Variants in SLIT3 observed in about 807,000 individuals in gnomAD.
SLIT3 encodes the protein slit homolog 3 protein.
In SLIT3, 68 loss-of-function variants were observed where a neutral mutation model predicts 184.0. That is an observed-to-expected ratio of 0.37 (90% CI 0.30 to 0.45). The LOEUF (loss-of-function observed/expected upper bound fraction) is 0.45. Among genes scored for constraint, SLIT3 ranks in the 20% least tolerant of loss-of-function variants. SLIT3 has a pLI of 1.00. For synonymous variants in SLIT3, 831 were observed against 828.6 expected (o/e 1.00, Z -0.05); for missense variants, 1,707 against 2,026.0 (o/e 0.84, Z 3.02).
intron 4 of SLIT3, among the ~76,000 whole-genome samples, chr5:169,179,276 CTTTTT>C (rs370270230): frequency 0.067 from 8,359 of 125,036 alleles, 895 homozygotes; most frequent in African/African-American, 0.23. Context: ...ATTCCTTTTT[CTTTTT>C]TTTTTTTTTT....
chr5:169,289,951 A>G (rs972207208), intron 1 of SLIT3, among the ~76,000 whole-genome samples: 18 of 151,948 alleles, frequency 1.2e-4, no homozygotes, highest in African/African-American at 3.9e-4. Flanking sequence ...ACCAGGGCAT[A>G]CGCTAAGGCA....
intron 4 of SLIT3, among the ~76,000 whole-genome samples, chr5:169,128,272 ATT>A (rs1413317249): frequency 6.8e-6 from 1 of 146,900 alleles, no homozygotes; most frequent in African/African-American, 2.5e-5. Flanking sequence ...ACATATATAT[ATT>A]TATATATATA....
At chr5:169,082,447 T>C (rs1328795110) in intron 4 of SLIT3, among the ~76,000 whole-genome samples, 3 of 152,234 alleles carry the variant, frequency 2.0e-5, no homozygotes, top group African/African-American at 7.2e-5. Context: ...CTTTAAAAAA[T>C]AACACACAAA....
At chr5:169,097,304 G>T (rs889666369) in intron 4 of SLIT3, among the ~76,000 whole-genome samples, 4 of 152,094 alleles carry the variant, frequency 2.6e-5, no homozygotes, top group Non-Finnish European at 5.9e-5. Context: ...TGTGAGATGT[G>T]GTATTACAGT....
At chr5:168,757,562 T>G (rs1754994442) in intron 16 of SLIT3, among the ~76,000 whole-genome samples, 2 of 152,170 alleles carry the variant, frequency 1.3e-5, no homozygotes, top group Admixed American at 1.3e-4. Context: ...GCCCCCCGAG[T>G]AGCTGGCACT....
At chr5:169,174,740 T>C (rs1261798064) in intron 4 of SLIT3, among the ~76,000 whole-genome samples, 1 of 152,004 alleles carries the variant, frequency 6.6e-6, no homozygotes, top group Non-Finnish European at 1.5e-5. Flanking sequence ...AGAGGAGATA[T>C]CTGAGCCAAG....
intron 5 of SLIT3, among the ~76,000 whole-genome samples, chr5:168,879,400 GGAGT>G (rs1349414109): frequency 6.6e-6 from 1 of 152,182 alleles, no homozygotes; most frequent in Non-Finnish European, 1.5e-5. Context: ...GGTAGGAGGA[GGAGT>G]GTTTCCTTAG....
intron 4 of SLIT3, among the ~76,000 whole-genome samples, chr5:169,045,906 C>T (rs1379247577): frequency 1.3e-5 from 2 of 152,204 alleles, no homozygotes; most frequent in Admixed American, 6.5e-5. Flanking sequence ...AGCACTTAGA[C>T]GCAGTAACTG....
intron 4 of SLIT3, among the ~76,000 whole-genome samples, chr5:168,954,321 C>T (rs143015935): frequency 0.016 from 2,437 of 152,062 alleles, 23 homozygotes; most frequent in Non-Finnish European, 0.021. Flanking sequence ...TGAGGCTCTC[C>T]AAAATGGTTA....
At chr5:168,886,964 C>A (rs1245119416) in intron 4 of SLIT3, among the ~76,000 whole-genome samples, 3 of 152,162 alleles carry the variant, frequency 2.0e-5, no homozygotes, top group Non-Finnish European at 4.4e-5. Flanking sequence ...TCCAGCCACC[C>A]TCCCCACCTT....
chr5:168,789,827 C>T (rs538955513), intron 10 of SLIT3, 196 bp from the exon 11 acceptor site: 17 of 551,836 alleles, frequency 3.1e-5, no homozygotes, highest in Non-Finnish European at 5.2e-5. Context: ...AAGTGCACCA[C>T]ATTTACATCA....
intron 4 of SLIT3, among the ~76,000 whole-genome samples, chr5:169,058,306 G>C (rs1360548698): frequency 6.6e-6 from 1 of 152,202 alleles, no homozygotes; most frequent in East Asian, 1.9e-4. Context: ...TTGTCCACCT[G>C]CTTGCTTACT....
chr5:168,882,751 A>G (rs1291374282), intron 5 of SLIT3, among the ~76,000 whole-genome samples: 1 of 152,138 alleles, frequency 6.6e-6, no homozygotes, highest in Non-Finnish European at 1.5e-5. Context: ...GGATCTGGCT[A>G]TGTCTCTCCA....
intron 4 of SLIT3, among the ~76,000 whole-genome samples, chr5:169,163,501 T>C (rs527557034): frequency 6.6e-6 from 1 of 152,258 alleles, no homozygotes; most frequent in Non-Finnish European, 1.5e-5. Flanking sequence ...GTTTAATCAA[T>C]GGGTGTTTGG....
chr5:168,956,742 G>A (rs62377207), intron 4 of SLIT3, among the ~76,000 whole-genome samples: 3,019 of 152,124 alleles, frequency 0.02, 46 homozygotes, highest in Middle Eastern at 0.031. Context: ...GCAGTGAGCC[G>A]AGATAGCGCC....
At chr5:168,725,430 C>T (rs886181297) in intron 20 of SLIT3, among the ~76,000 whole-genome samples, 3 of 152,336 alleles carry the variant, frequency 2.0e-5, no homozygotes, top group African/African-American at 7.2e-5. Flanking sequence ...CTTTCTGTTG[C>T]TCTCAGGACA....
intron 3 of SLIT3, among the ~76,000 whole-genome samples, chr5:169,242,501 T>C (rs760366849): frequency 6.6e-6 from 1 of 152,160 alleles, no homozygotes; most frequent in Non-Finnish European, 1.5e-5. Flanking sequence ...AAACTTCCCA[T>C]GTGAAATTTT....
At chr5:169,257,070 G>A (rs758458472) in intron 1 of SLIT3, among the ~76,000 whole-genome samples, 1 of 152,042 alleles carries the variant, frequency 6.6e-6, no homozygotes, top group Non-Finnish European at 1.5e-5. Context: ...AATGATAATC[G>A]TGGACAACTC....
chr5:169,207,130 A>G (rs177073), intron 3 of SLIT3, among the ~76,000 whole-genome samples: 26,998 of 151,196 alleles, frequency 0.18, 2,684 homozygotes, highest in East Asian at 0.45. Context: ...CTGCAGAAAT[A>G]GTTTAAGAGC....
Sources: allele counts gnomAD v4.1 joint callset (sites outside exome capture counted in the v4.1 genomes callset), GRCh38; gene constraint gnomAD v4.1.1; transcripts MANE v1.5; gene names NCBI Gene and HGNC (gene_info 2026-07-23, HGNC 2026-07-21).